Variants in HS2ST1 observed in about 807,000 individuals in gnomAD.
HS2ST1 encodes heparan sulfate 2-O-sulfotransferase 1.
HS2ST1 carries 18 observed loss-of-function variants against 42.9 expected under a neutral mutation model. The ratio of observed to expected loss-of-function variants is 0.42; its 90% CI spans 0.29 to 0.62. The LOEUF (loss-of-function observed/expected upper bound fraction) is 0.62, where lower values mean the gene tolerates loss of function less well. HS2ST1 is among the 20% of genes least tolerant of loss of function. The pLI, the probability that HS2ST1 is intolerant of heterozygous loss-of-function variation, is 0.21. For synonymous variants in HS2ST1, 146 were observed against 152.9 expected (o/e 0.95, Z 0.33); for missense variants, 334 against 433.8 (o/e 0.77, Z 2.04).
chr1:87,064,449 C>T (rs778898496), intron 1 of HS2ST1: 3 of 518,024 alleles, frequency 5.8e-6, no homozygotes, highest in South Asian at 2.8e-5. Context: ...ACTCCATCTT[C>T]CCTTAAAGTG....
chr1:87,036,789 T>A (rs1034747811), intron 1 of HS2ST1, among the ~76,000 whole-genome samples: 1 of 152,166 alleles, frequency 6.6e-6, no homozygotes, highest in Admixed American at 6.5e-5. Context: ...GCTGAATGAA[T>A]GAATGAATGC....
intron 1 of HS2ST1, among the ~76,000 whole-genome samples, chr1:86,959,526 T>C (rs2753277): frequency 0.24 from 36,474 of 151,942 alleles, 5,130 homozygotes; most frequent in African/African-American, 0.38. Flanking sequence ...GGCGTGGTGG[T>C]GCACGTCTGT....
chr1:87,095,217 A>G (rs1570544680), intron 4 of HS2ST1, among the ~76,000 whole-genome samples: 1 of 152,296 alleles, frequency 6.6e-6, no homozygotes, highest in East Asian at 1.9e-4. Flanking sequence ...CAGGTTTTAG[A>G]AAGATATTGG....
At chr1:86,949,939 C>T (rs546922685) in intron 1 of HS2ST1, among the ~76,000 whole-genome samples, 5 of 152,172 alleles carry the variant, frequency 3.3e-5, no homozygotes, top group Non-Finnish European at 7.3e-5. Flanking sequence ...GAACACAGGG[C>T]TTTTAGGACC....
chr1:87,103,375 C>T, intron 5 of HS2ST1, 57 bp from the exon 6 acceptor site: 2 of 1,495,792 alleles, frequency 1.3e-6, no homozygotes, highest in Non-Finnish European at 1.8e-6. Context: ...GTCAAAGGCA[C>T]CAGAAACACT....
At chr1:86,964,788 C>G (rs1647995137) in intron 1 of HS2ST1, among the ~76,000 whole-genome samples, 1 of 152,182 alleles carries the variant, frequency 6.6e-6, no homozygotes, top group African/African-American at 2.4e-5. Flanking sequence ...TGATTCAGTG[C>G]CAATCTGAGT....
chr1:87,088,964 C>A (rs1157017643), intron 3 of HS2ST1, among the ~76,000 whole-genome samples: 1 of 151,982 alleles, frequency 6.6e-6, no homozygotes, highest in Non-Finnish European at 1.5e-5. Flanking sequence ...TACAATGTCT[C>A]CAGCAAGATT....
intron 1 of HS2ST1, among the ~76,000 whole-genome samples, chr1:87,060,210 T>C (rs1651083095): frequency 6.6e-6 from 1 of 152,166 alleles, no homozygotes; most frequent in Admixed American, 6.5e-5. Flanking sequence ...AAGACAACCA[T>C]CTTCTGTCCC....
At chr1:87,052,253 A>C (rs1650854262) in intron 1 of HS2ST1, among the ~76,000 whole-genome samples, 1 of 148,510 alleles carries the variant, frequency 6.7e-6, no homozygotes, top group Non-Finnish European at 1.5e-5. Context: ...ACCCTGTCTC[A>C]AAAAAAATTT....
chr1:86,956,565 G>A (rs769461998), intron 1 of HS2ST1: 1 of 152,202 alleles, frequency 6.6e-6, no homozygotes, highest in Non-Finnish European at 1.5e-5. Context: ...AGGAACTGAT[G>A]GTGAGAGGTA....
At chr1:87,037,006 GTAA>G (rs1650391201) in intron 1 of HS2ST1, among the ~76,000 whole-genome samples, 1 of 151,978 alleles carries the variant, frequency 6.6e-6, no homozygotes, top group African/African-American at 2.4e-5. Context: ...TAAACCTTAG[GTAA>G]TAAAGTGCTA....
intron 2 of HS2ST1, among the ~76,000 whole-genome samples, chr1:87,074,314 G>A (rs1403255910): frequency 1.3e-5 from 2 of 152,148 alleles, no homozygotes; most frequent in African/African-American, 2.4e-5. Context: ...GTAATATTGT[G>A]TATCTCAAGG....
chr1:86,995,558 A>T (rs1649073187), intron 1 of HS2ST1, among the ~76,000 whole-genome samples: 1 of 152,186 alleles, frequency 6.6e-6, no homozygotes, highest in South Asian at 2.1e-4. Context: ...GTCTAAAGAG[A>T]GGAAATGAAA....
At chr1:86,921,188 ATTG>A (rs1660286707) in intron 1 of HS2ST1, among the ~76,000 whole-genome samples, 1 of 151,944 alleles carries the variant, frequency 6.6e-6, no homozygotes, top group Non-Finnish European at 1.5e-5. Flanking sequence ...GGTTGGTAGT[ATTG>A]TTATGGTGTT....
chr1:86,993,064 AC>A, intron 1 of HS2ST1: 2 of 1,588,962 alleles, frequency 1.3e-6, no homozygotes, highest in Non-Finnish European at 1.7e-6. Flanking sequence ...GGGGAAGGTC[AC>A]CAAGTCTTTC....
chr1:87,012,593 A>G (rs973647894), intron 1 of HS2ST1, among the ~76,000 whole-genome samples: 1 of 152,216 alleles, frequency 6.6e-6, no homozygotes, highest in Non-Finnish European at 1.5e-5. Context: ...AAACCATATC[A>G]TTCTGCCCCT....
intron 1 of HS2ST1, among the ~76,000 whole-genome samples, chr1:86,959,025 TA>T (rs1647751384): frequency 1.3e-5 from 2 of 152,186 alleles, no homozygotes; most frequent in Admixed American, 6.5e-5. Context: ...AAGCATTTGA[TA>T]AAATCCAACA....
intron 2 of HS2ST1, among the ~76,000 whole-genome samples, chr1:87,076,087 C>T (rs1420520146): frequency 4.0e-5 from 6 of 150,648 alleles, no homozygotes; most frequent in Non-Finnish European, 5.9e-5. Context: ...AATATTTAAC[C>T]AAAAGTGTTC....
chr1:86,945,247 A>G (rs980720158), intron 1 of HS2ST1, among the ~76,000 whole-genome samples: 8 of 152,150 alleles, frequency 5.3e-5, no homozygotes, highest in Non-Finnish European at 8.8e-5. Flanking sequence ...AACATAAGAG[A>G]TGTGATATGG....
Sources: gnomAD v4.1 joint callset for allele counts (sites outside exome capture counted in the v4.1 genomes callset) on GRCh38, gnomAD v4.1.1 for gene constraint, MANE v1.5 for transcripts, NCBI Gene and HGNC (gene_info 2026-07-23, HGNC 2026-07-21) for gene names.